Variants in PPRC1 observed in about 807,000 individuals in gnomAD.
PPRC1 encodes peroxisome proliferator-activated receptor gamma coactivator-related protein 1.
Under a neutral mutation model 132.5 loss-of-function variants are expected in PPRC1, and 23 were observed. The ratio of observed to expected loss-of-function variants is 0.17; its 90% CI spans 0.12 to 0.25. The LOEUF is 0.25. Among genes scored for constraint, PPRC1 ranks in the 10% least tolerant of loss-of-function variants. PPRC1 has a pLI of 1.00. For synonymous variants in PPRC1, 872 were observed against 833.5 expected (o/e 1.05, Z -0.80); for missense variants, 2,006 against 2,089.1 (o/e 0.96, Z 0.78).
chr10:102,149,186 A>T lies in PPRC1; in HGVS notation c.4748A>T (p.Tyr1583Phe). The T allele has an allele frequency of 6.3e-7, 1 of 1,588,880 alleles. No individual in the cohort carries two copies. The highest frequency in any genetic ancestry group is 8.6e-7 in the Non-Finnish European group (1 of 1,166,258). The change falls in exon 13 of 14, where the codon TAC becomes TTC. Residue 1583 changes from tyrosine to phenylalanine, a missense_variant. Tyr to Phe is a conservative substitution (Grantham distance 22). Around this residue, in one of 2 missense-constraint regions of PPRC1, gnomAD observed 92 missense variants for 171.9 expected, o/e 0.54. Coordinates refer to ENST00000278070, the MANE Select transcript of PPRC1 (RefSeq NM_015062.5). ...CACTCTCCTCCTACTAGGGACAACTACGGCTTCGTCACTTATCGCTATGCT... is the reference window on the plus strand; with the variant it reads ...CACTCTCCTCCTACTAGGGACAACTTCGGCTTCGTCACTTATCGCTATGCT... ...TIHFRVQGDN[Y>F]GFVTYRYAEE...
chr10:102,130,887 A>C (rs972798481), upstream of PPRC1, among the ~76,000 whole-genome samples: 1 of 149,984 alleles, frequency 6.7e-6, no homozygotes, highest in Non-Finnish European at 1.5e-5. Flanking sequence ...CCCCCCAAGA[A>C]CCCCCAAAAA....
the PPRC1 span, among the ~76,000 whole-genome samples, chr10:102,124,641 ATT>A: frequency 6.0e-5 from 7 of 116,982 alleles, no homozygotes; most frequent in African/African-American, 1.0e-4. Flanking sequence ...GTGCCTGGCC[ATT>A]TTTTTTTTTT....
rs771289417 is a variant in PPRC1, at chr10:102,140,577, C to T, written c.2069C>T (p.Pro690Leu). ...PVDPVLVKSR[P>L]TDPRRGAVSS... ...GACCCAGTGCTAGTTAAGTCCAGAC[C>T]AACTGATCCCAGACGTGGTGCAGTG... is the stretch of plus-strand genomic sequence containing the variant. The change falls in exon 5 of 14, where the codon CCA becomes CTA. Residue 690 changes from proline to leucine, a missense_variant. Coordinates refer to ENST00000278070, the MANE Select transcript of PPRC1 (RefSeq NM_015062.5). 4 of 1,614,036 alleles carry T rather than the reference C, an allele frequency of 2.5e-6. No homozygotes were observed. The South Asian group carries it at 4.4e-5, about 18-fold the overall frequency.
At chr10:102,129,517 G>T (rs1246622793), upstream of PPRC1, among the ~76,000 whole-genome samples, 5 of 152,164 alleles carry the variant, frequency 3.3e-5, no homozygotes, top group Non-Finnish European at 7.4e-5. Context: ...CAAAAAAGTG[G>T]CAAAACGTTC....
intron 7 of PPRC1, chr10:102,144,770 C>T (rs1045446742): frequency 9.5e-6 from 5 of 528,114 alleles, no homozygotes; most frequent in Non-Finnish European, 1.4e-5. Flanking sequence ...AGGTGAGACT[C>T]GATGTGAAGG....
the PPRC1 span, among the ~76,000 whole-genome samples, chr10:102,127,978 C>T: frequency 1.3e-5 from 2 of 152,110 alleles, no homozygotes; most frequent in East Asian, 3.8e-4. Context: ...TGTGAGTTGC[C>T]GCACCTAGCT....
Position 102,140,574 on chromosome 10 carries a change from G to T in PPRC1, c.2066G>T (p.Arg689Ile). The T allele has an allele frequency of 6.2e-7, 1 of 1,614,062 alleles. No homozygotes were observed. The highest frequency in any genetic ancestry group is 8.5e-7 in the Non-Finnish European group (1 of 1,180,010). Residue 689 changes from arginine to isoleucine, a missense_variant, in exon 5 of 14, where the codon AGA (arginine) becomes ATA (isoleucine). Around this residue, in one of 2 missense-constraint regions of PPRC1, gnomAD observed 1,914 missense variants for 1,917.2 expected, o/e 1.00. Coordinates refer to ENST00000278070, the MANE Select transcript of PPRC1 (RefSeq NM_015062.5). ...TPVDPVLVKS[R>I]PTDPRRGAVS... ...GTTGACCCAGTGCTAGTTAAGTCCA[G>T]ACCAACTGATCCCAGACGTGGTGCA...
chr10:102,119,919 T>C, the PPRC1 span, among the ~76,000 whole-genome samples: 1 of 150,582 alleles, frequency 6.6e-6, no homozygotes, highest in Admixed American at 6.6e-5. Context: ...ATTTACACAG[T>C]TGGGGAAAAC....
upstream of PPRC1, among the ~76,000 whole-genome samples, chr10:102,130,373 C>T (rs151139301): frequency 3.9e-3 from 550 of 142,252 alleles, 14 homozygotes; most frequent in East Asian, 0.066. Flanking sequence ...GCCGAGATCG[C>T]GCCACTGCAC....
chr10:102,146,566 G>A lies in PPRC1; in HGVS notation c.3680-106G>A, dbSNP rs947448377. ...AGTTGGGCTGCTTACCTTGCTTGGT[G>A]TACTTTGTGAGATGAGGTGGGGGTC... is the stretch of plus-strand genomic sequence containing the variant. On this transcript the variant is annotated intron_variant, in intron 8 of 13. Transcript: ENST00000278070. The A allele has an allele frequency of 5.5e-5, 80 of 1,442,958 alleles. 1 individual carries two copies. The Admixed American group carries it at 1.7e-3, about 31-fold the overall frequency. The allele number at this position is 1,442,958 out of a possible 1,614,324, so 89.4% of individuals were successfully genotyped here.
intron 8 of PPRC1, among the ~76,000 whole-genome samples, chr10:102,145,917 A>C (rs2069222266): frequency 6.6e-6 from 1 of 152,198 alleles, no homozygotes; most frequent in Admixed American, 6.5e-5. Flanking sequence ...TGAGATGTGA[A>C]GAGGGACAGT....
At chr10:102,130,045 A>G (rs1293866238), upstream of PPRC1, among the ~76,000 whole-genome samples, 2 of 152,236 alleles carry the variant, frequency 1.3e-5, no homozygotes, top group African/African-American at 2.4e-5. Context: ...AAAACTGTGA[A>G]CAAGACTCAG....
In PPRC1 at chr10:102,139,195, A is replaced by T. The variant is rs1391275081; in HGVS notation, c.687A>T (p.Arg229Ser). The change falls in exon 5 of 14, where the codon AGA becomes AGT. Residue 229 changes from arginine (R) to serine (S), a missense_variant. By Grantham distance (110) the Arg-to-Ser change is moderately radical. Around this residue, in one of 2 missense-constraint regions of PPRC1, gnomAD observed 1,914 missense variants for 1,917.2 expected, o/e 1.00. Coordinates refer to ENST00000278070, the MANE Select transcript of PPRC1 (RefSeq NM_015062.5). ...AGCTTCCTAGCTGGAGACCCCCAAGATCAAGACCACGCTGGGGCCAATCCC... is the reference window on the plus strand; with the variant it reads ...AGCTTCCTAGCTGGAGACCCCCAAGTTCAAGACCACGCTGGGGCCAATCCC... ...SPKLPSWRPP[R>S]SRPRWGQSPP... 2 of 1,614,096 alleles carry T rather than the reference A, an allele frequency of 1.2e-6. No individual in the cohort carries two copies. Among genetic ancestry groups the T allele is most frequent in the East Asian group, 2.2e-5 (1 of 44,884 alleles).
chr10:102,131,192 T>C (rs927247355), upstream of PPRC1, among the ~76,000 whole-genome samples: 10 of 115,824 alleles, frequency 8.6e-5, no homozygotes, highest in South Asian at 2.8e-4. Context: ...ACACTCCATC[T>C]CAAAAAAAAA....
In PPRC1 at chr10:102,148,619, T is replaced by C; in HGVS notation, c.4551-9T>C. 6.2e-7 allele frequency: 1 copy of C among 1,614,138 alleles called. No homozygotes were observed. The highest frequency in any genetic ancestry group is 8.5e-7 in the Non-Finnish European group (1 of 1,180,022). On this transcript the variant is annotated splice_polypyrimidine_tract_variant and intron_variant, in intron 10 of 13. Transcript: ENST00000278070. This position sits in a 1 kb window ranked among gnomAD's most constrained non-coding sequence, Gnocchi z 4.2. ...TGTTTGGGGGGCTGATGACACCCTC[T>C]TTTGTCAGGTACAGCTCTTATCGTT...
At chr10:102,132,552 C>G (rs1305671943), upstream of PPRC1, among the ~76,000 whole-genome samples, 1 of 152,196 alleles carries the variant, frequency 6.6e-6, no homozygotes, top group African/African-American at 2.4e-5. Context: ...GCGGAGAACG[C>G]GACATTTTCC....
Position 102,146,667 on chromosome 10 carries a change from C to G in PPRC1, c.3680-5C>G. The G allele has an allele frequency of 6.2e-7, 1 of 1,603,330 alleles. No individual in the cohort carries two copies. The highest frequency in any genetic ancestry group is 8.5e-7 in the Non-Finnish European group (1 of 1,174,528). On this transcript the variant is annotated splice_polypyrimidine_tract_variant and splice_region_variant and intron_variant, in intron 8 of 13. Transcript: ENST00000278070. ...TGCTATCTCCATCCTCCCTCCCCAC[C>G]ACAGGGCTCACCCCTCCAGCTACCC...
upstream of PPRC1, among the ~76,000 whole-genome samples, chr10:102,130,639 G>A (rs1321473465): frequency 6.6e-6 from 1 of 151,942 alleles, no homozygotes; most frequent in Non-Finnish European, 1.5e-5. Context: ...GGAGGCTGAG[G>A]CACAAGAATC....
chr10:102,133,064 C>A lies in PPRC1; in HGVS notation c.-5C>A. On this transcript the variant is annotated 5_prime_UTR_variant, in exon 1 of 14. Transcript: ENST00000278070. ...CAGAGCAGCGCTGGGTGTTCAGGGG[C>A]CAAGATGGCGGCGCGCCGGGGACGG... The A allele has an allele frequency of 8.1e-7, 1 of 1,241,454 alleles. No individual in the cohort carries two copies. Among genetic ancestry groups the A allele is most frequent in the African/African-American group, 1.5e-5 (1 of 64,544 alleles). 76.9% of individuals were successfully genotyped at this position (1,241,454 alleles called of 1,614,324 possible).
Sources: gnomAD v4.1 joint callset for allele counts (sites outside exome capture counted in the v4.1 genomes callset) on GRCh38, gnomAD v4.1.1 for gene constraint, gnomAD v4.1.1 regional missense constraint, Gnocchi (gnomAD v3.1) non-coding constraint, MANE v1.5 for transcripts, NCBI Gene and HGNC (gene_info 2026-07-23, HGNC 2026-07-21) for gene names.